EPM2A: variants seen among roughly 807,000 people sequenced by gnomAD.
EPM2A encodes EPM2A glucan phosphatase, laforin.
EPM2A carries 21 observed loss-of-function variants against 26.5 expected under a neutral mutation model. That is an observed-to-expected ratio of 0.79 (90% confidence interval 0.56 to 1.14). The LOEUF (loss-of-function observed/expected upper bound fraction) is 1.14. Ranked by LOEUF, EPM2A falls within the 50% of genes most tolerant of loss-of-function variation. The probability of loss-of-function intolerance (pLI) is 0.00; values close to 1 mark genes in which losing one functional copy is unlikely to be tolerated. For synonymous variants in EPM2A, 217 were observed against 177.6 expected (o/e 1.22, Z -1.76); for missense variants, 458 against 440.8 (o/e 1.04, Z -0.35).
intron 4 of EPM2A, among the ~76,000 whole-genome samples, chr6:145,412,286 G>T (rs1352544883): frequency 6.7e-6 from 1 of 149,354 alleles, no homozygotes; most frequent in Non-Finnish European, 1.5e-5. Flanking sequence ...ATTACACATA[G>T]AATAAACATA....
At chr6:145,482,869 T>A (rs561909466) in intron 4 of EPM2A, among the ~76,000 whole-genome samples, 41 of 151,860 alleles carry the variant, frequency 2.7e-4, no homozygotes, top group African/African-American at 9.9e-4. Flanking sequence ...GCTATTCTTT[T>A]TTTTTTTTCT....
At chr6:145,418,036 T>A (rs2876625) in intron 4 of EPM2A, among the ~76,000 whole-genome samples, 16,426 of 152,004 alleles carry the variant, frequency 0.11, 1,009 homozygotes, top group South Asian at 0.18. Context: ...CACCACCAAT[T>A]CCAGTCTCTG....
intron 4 of EPM2A, among the ~76,000 whole-genome samples, chr6:145,488,366 G>T (rs1234630035): frequency 6.6e-6 from 1 of 152,072 alleles, no homozygotes; most frequent in Non-Finnish European, 1.5e-5. Flanking sequence ...GTCAATGGTA[G>T]TTCGATAGGA....
At chr6:145,434,238 T>A (rs951862953) in intron 4 of EPM2A, among the ~76,000 whole-genome samples, 1 of 151,854 alleles carries the variant, frequency 6.6e-6, no homozygotes, top group Admixed American at 6.6e-5. Context: ...TCTCTTTGTT[T>A]TCTTCTCTTT....
exon 5 of EPM2A, chr6:145,383,653 G>A (rs546926225): frequency 1.3e-5 from 2 of 152,290 alleles, no homozygotes; most frequent in Middle Eastern, 3.4e-3. Flanking sequence ...TACCTCCAAC[G>A]CTGGGGATTC....
At position 145,418,291 on chromosome 6, in the gene EPM2A, G is replaced by A. The variant is rs146953855; in HGVS notation, c.556-34194C>T. Among the ~76,000 whole-genome samples, 693 of 152,308 alleles carry A rather than the reference G, an allele frequency of 4.5e-3. 2 individuals are homozygous for A. Among genetic ancestry groups the A allele is most frequent in the Non-Finnish European group, 7.5e-3 (507 of 68,028 alleles). On this transcript the variant is annotated intron_variant, in intron 4 of 4. Coordinates refer to the EPM2A transcript ENST00000638717. Reference sequence around the variant, plus strand: ...CACAAATTCTTCCGCTCAGTGCTAAGTGTGTCCTGCTCAGTTCTTGTTCAC... The same window carrying A: ...CACAAATTCTTCCGCTCAGTGCTAAATGTGTCCTGCTCAGTTCTTGTTCAC...
At chr6:145,598,244 T>C (rs1448371153) in intron 2 of EPM2A, among the ~76,000 whole-genome samples, 2 of 152,202 alleles carry the variant, frequency 1.3e-5, no homozygotes, top group Non-Finnish European at 2.9e-5. Context: ...TGTTATTTTT[T>C]GACTTTTTTT....
intron 4 of EPM2A, among the ~76,000 whole-genome samples, chr6:145,434,325 A>G (rs1188976888): frequency 6.6e-6 from 1 of 151,282 alleles, no homozygotes; most frequent in Non-Finnish European, 1.5e-5. Flanking sequence ...CACTGGCACA[A>G]TCACAGCTGA....
chr6:145,429,309 TATCA>T (rs1290888583), intron 4 of EPM2A, among the ~76,000 whole-genome samples: 1 of 152,164 alleles, frequency 6.6e-6, no homozygotes, highest in Non-Finnish European at 1.5e-5. Flanking sequence ...TTAATATATC[TATCA>T]ATTAATTCAT....
At position 145,735,462 on chromosome 6, in the gene EPM2A, C is replaced by G. The variant is rs567454946; in HGVS notation, c.37G>C (p.Val13Leu). ...FRFGVVVPPA[V>L]AGARPELLVV... is the part of the protein sequence containing the mutation. ...AGCAGCTCCGGCCGGGCGCCGGCCACGGCGGGTGGCACCACCACCCCAAAG... is the reference window on the plus strand; with the variant it reads ...AGCAGCTCCGGCCGGGCGCCGGCCAGGGCGGGTGGCACCACCACCCCAAAG... The change falls in exon 1 of 4, where the codon GTG becomes CTG. Residue 13 changes from valine to leucine, a missense_variant. Val to Leu is a conservative substitution (Grantham distance 32). Coordinates refer to ENST00000367519, the MANE Select transcript of EPM2A (RefSeq NM_005670.4). The G allele has an allele frequency of 3.3e-6, 4 of 1,227,978 alleles. No individual in the cohort carries two copies. The highest frequency in any genetic ancestry group is 4.1e-6 in the Non-Finnish European group (4 of 982,304). The allele number at this position is 1,227,978 out of a possible 1,614,324, so 76.1% of individuals were successfully genotyped here.
intron 2 of EPM2A, among the ~76,000 whole-genome samples, chr6:145,577,585 C>T (rs1282595279): frequency 6.6e-6 from 1 of 151,218 alleles, no homozygotes. Context: ...TAGACCCCCC[C>T]CCAATACAAT....
At chr6:145,730,675 A>T (rs952762433) in intron 1 of EPM2A, among the ~76,000 whole-genome samples, 14 of 152,200 alleles carry the variant, frequency 9.2e-5, no homozygotes, top group South Asian at 2.1e-4. Flanking sequence ...TGATTTTTTT[A>T]AAATTATTTT....
At chr6:145,618,699 G>A (rs7738406) in intron 2 of EPM2A, among the ~76,000 whole-genome samples, 10,212 of 152,268 alleles carry the variant, frequency 0.067, 1,152 homozygotes, top group African/African-American at 0.23. Flanking sequence ...ATGCTAAACT[G>A]TGAGTCAATT....
At chr6:145,709,080 C>A (rs1180155916) in intron 1 of EPM2A, among the ~76,000 whole-genome samples, 1 of 152,222 alleles carries the variant, frequency 6.6e-6, no homozygotes, top group Non-Finnish European at 1.5e-5. Flanking sequence ...TCTGCATCCC[C>A]ATTGTATCTG....
At chr6:145,632,534 T>C (rs979228414) in intron 3 of EPM2A, among the ~76,000 whole-genome samples, 1 of 152,186 alleles carries the variant, frequency 6.6e-6, no homozygotes. Context: ...TTATAAAAGA[T>C]TTTTTAAAAA....
At chr6:145,682,874 T>C in intron 2 of EPM2A, among the ~76,000 whole-genome samples, 1 of 152,166 alleles carries the variant, frequency 6.6e-6, no homozygotes, top group East Asian at 1.9e-4. Context: ...GAGTCTGTAA[T>C]TACAAATTCT....
At chr6:145,607,934 C>T (rs1014836676) in intron 2 of EPM2A, among the ~76,000 whole-genome samples, 3 of 152,200 alleles carry the variant, frequency 2.0e-5, no homozygotes, top group African/African-American at 7.2e-5. Context: ...GAGGCCAACG[C>T]TTACCATGTT....
chr6:145,547,694 A>G (rs1393147731), intron 2 of EPM2A, among the ~76,000 whole-genome samples: 1 of 152,130 alleles, frequency 6.6e-6, no homozygotes, highest in Non-Finnish European at 1.5e-5. Flanking sequence ...ACATCTGCCT[A>G]ACTGTTACTT....
chr6:145,690,136 AC>A (rs1781180151), intron 1 of EPM2A, among the ~76,000 whole-genome samples: 1 of 152,128 alleles, frequency 6.6e-6, no homozygotes, highest in African/African-American at 2.4e-5. Context: ...AGTGTGAGGA[AC>A]CTGGGTAATA....
Sources: gnomAD v4.1 joint callset for allele counts (sites outside exome capture counted in the v4.1 genomes callset) on GRCh38, gnomAD v4.1.1 for gene constraint, MANE v1.5 for transcripts, NCBI Gene and HGNC (gene_info 2026-07-23, HGNC 2026-07-21) for gene names.